FRYL: variants seen among roughly 807,000 people sequenced by gnomAD.
FRYL encodes the protein protein furry homolog-like.
In FRYL, 150 loss-of-function variants were observed where a neutral mutation model predicts 351.2. That is an observed-to-expected ratio of 0.43 (90% CI 0.37 to 0.49). The LOEUF (loss-of-function observed/expected upper bound fraction) is 0.49, where lower values mean the gene tolerates loss of function less well. FRYL is among the 20% of genes least tolerant of loss of function. FRYL has a pLI of 0.00. For synonymous variants in FRYL, 1,153 were observed against 1,257.1 expected (o/e 0.92, Z 1.75); for missense variants, 3,036 against 3,619.3 (o/e 0.84, Z 4.13).
At chr4:48,655,847 AAT>A (rs934114889) in intron 3 of FRYL, among the ~76,000 whole-genome samples, 8 of 143,132 alleles carry the variant, frequency 5.6e-5, no homozygotes, top group Non-Finnish European at 1.1e-4. Context: ...TACTATATAT[AAT>A]GTATTATATA....
At chr4:48,733,152 G>A (rs1044971312) in intron 1 of FRYL, among the ~76,000 whole-genome samples, 2 of 152,040 alleles carry the variant, frequency 1.3e-5, no homozygotes, top group African/African-American at 4.8e-5. Flanking sequence ...GTAGGCGCCT[G>A]TAATCCCAGC....
chr4:48,561,029 G>A (rs960192138), intron 33 of FRYL, among the ~76,000 whole-genome samples: 2 of 152,090 alleles, frequency 1.3e-5, no homozygotes, highest in East Asian at 1.9e-4. Context: ...AGTTTTGCTC[G>A]AGGCACTGTA....
At chr4:48,745,735 T>G (rs1284394737) in intron 1 of FRYL, among the ~76,000 whole-genome samples, 1 of 152,144 alleles carries the variant, frequency 6.6e-6, no homozygotes, top group African/African-American at 2.4e-5. Context: ...ACATGTACCC[T>G]AGAACTTAAA....
chr4:48,739,538 A>C (rs1771820029), intron 1 of FRYL, among the ~76,000 whole-genome samples: 1 of 152,100 alleles, frequency 6.6e-6, no homozygotes, highest in Non-Finnish European at 1.5e-5. Context: ...AAGAAATCTA[A>C]ACAGACCTTA....
chr4:48,553,087 A>T, intron 36 of FRYL, 128 bp downstream of exon 36: 2 of 616,458 alleles, frequency 3.2e-6, no homozygotes, highest in Admixed American at 3.6e-5. Flanking sequence ...CTTTTAATAA[A>T]TTTTATTGTA....
chr4:48,564,232 G>T, intron 30 of FRYL, 130 bp from the exon 31 acceptor site: 2 of 995,890 alleles, frequency 2.0e-6, no homozygotes, highest in Non-Finnish European at 2.8e-6. Context: ...ATCTCCTTTT[G>T]TTCACCTCCC....
chr4:48,671,858 CAAAAAA>C (rs1226492542), intron 3 of FRYL, among the ~76,000 whole-genome samples: 1 of 22,400 alleles, frequency 4.5e-5, no homozygotes, highest in Non-Finnish European at 8.9e-5. Context: ...GTCTCAAAAA[CAAAAAA>C]AAAAAAAACA....
intron 18 of FRYL, among the ~76,000 whole-genome samples, chr4:48,587,573 C>T (rs182064154): frequency 1.6e-4 from 24 of 150,804 alleles, no homozygotes; most frequent in East Asian, 3.9e-4. Flanking sequence ...GATGGAGTTT[C>T]GCTCTTGTTG....
intron 2 of FRYL, among the ~76,000 whole-genome samples, chr4:48,701,596 T>C (rs1297256056): frequency 6.6e-6 from 1 of 152,204 alleles, no homozygotes; most frequent in African/African-American, 2.4e-5. Flanking sequence ...ACCCTTCCCT[T>C]TACAAAAGAA....
chr4:48,670,395 T>G (rs1762462126), intron 3 of FRYL, among the ~76,000 whole-genome samples: 1 of 151,770 alleles, frequency 6.6e-6, no homozygotes, highest in Non-Finnish European at 1.5e-5. Flanking sequence ...ATTGTGCTAC[T>G]GCACTCCAGC....
In FRYL at chr4:48,527,967, T is replaced by C; in HGVS notation, c.7140+4A>G. On this transcript the variant is annotated splice_donor_region_variant and intron_variant, in intron 52 of 63. Coordinates refer to ENST00000358350, the MANE Select transcript of FRYL (RefSeq NM_015030.2). ...CCTTGACACAGGTCTTCATGATTAC[T>C]CACTGATGGGTTCTTTGGGAGGCCA... 6.4e-7 allele frequency: 1 copy of C among 1,559,574 alleles called. No individual in the cohort carries two copies. Among genetic ancestry groups the C allele is most frequent in the Admixed American group, 2.1e-5 (1 of 47,006 alleles).
intron 43 of FRYL, 75 bp downstream of exon 43, chr4:48,544,705 TAAC>T (rs1279375076): frequency 8.1e-7 from 1 of 1,237,956 alleles, no homozygotes; most frequent in East Asian, 2.5e-5. Context: ...TATCAACTAT[TAAC>T]TTTTTGCTAA....
intron 4 of FRYL, among the ~76,000 whole-genome samples, chr4:48,629,414 C>T (rs1352560709): frequency 6.6e-6 from 1 of 152,092 alleles, no homozygotes; most frequent in African/African-American, 2.4e-5. Flanking sequence ...CACCAAACAA[C>T]GGTGACTCCT....
At position 48,755,706 on chromosome 4, in the gene FRYL, T is replaced by C. The variant is rs1773702716; in HGVS notation, c.-384+24372A>G. Among the ~76,000 whole-genome samples the C allele has an allele frequency of 2.6e-5, 4 of 152,094 alleles. No homozygotes were observed. The South Asian group carries it at 8.3e-4, about 32-fold the overall frequency. ...ATGTAATCAAAGCCAATGTTTTTGG[T>C]ACATAAAGCACAATGACCTTAGATT... On this transcript the variant is annotated intron_variant, in intron 1 of 63. Coordinates refer to ENST00000358350, the MANE Select transcript of FRYL (RefSeq NM_015030.2).
In FRYL at chr4:48,709,023, G is replaced by A. The variant is rs140320947; in HGVS notation, c.-204+1496C>T. ...TGTAAGCTCCGCCTCCTGGGTTCAC[G>A]CCATTCTCCTGCCTCAGCCTCCCGA... On this transcript the variant is annotated intron_variant, in intron 2 of 63. Coordinates refer to ENST00000358350, the MANE Select transcript of FRYL (RefSeq NM_015030.2). Among the ~76,000 whole-genome samples the A allele has an allele frequency of 7.7e-3, 1,173 of 151,758 alleles. 7 individuals carry two copies. The highest frequency in any genetic ancestry group is 0.041 in the Middle Eastern group (12 of 294).
chr4:48,741,925 T>C (rs1410580487), intron 1 of FRYL, among the ~76,000 whole-genome samples: 1 of 152,226 alleles, frequency 6.6e-6, no homozygotes, highest in African/African-American at 2.4e-5. Flanking sequence ...CTACTTTGTA[T>C]ACTATAATAG....
chr4:48,690,971 A>G (rs1765628533), intron 2 of FRYL, among the ~76,000 whole-genome samples: 1 of 152,196 alleles, frequency 6.6e-6, no homozygotes, highest in Non-Finnish European at 1.5e-5. Flanking sequence ...TAATCTCCAA[A>G]GTTTGTCTTT....
At chr4:48,681,138 C>T in intron 3 of FRYL, 1 of 1,199,090 alleles carries the variant, frequency 8.3e-7, no homozygotes, top group Middle Eastern at 2.3e-4. Flanking sequence ...TAAGGTTCTT[C>T]TACATTACTA....
intron 3 of FRYL, among the ~76,000 whole-genome samples, chr4:48,681,346 C>T (rs1294041489): frequency 6.6e-6 from 1 of 152,116 alleles, no homozygotes; most frequent in African/African-American, 2.4e-5. Context: ...CAGCTATAGA[C>T]CATGAAACTG....
Sources: allele counts gnomAD v4.1 joint callset (sites outside exome capture counted in the v4.1 genomes callset), GRCh38; gene constraint gnomAD v4.1.1; transcripts MANE v1.5; gene names NCBI Gene and HGNC (gene_info 2026-07-23, HGNC 2026-07-21).